PLCB1: variants seen among roughly 807,000 people sequenced by gnomAD.
PLCB1 encodes the protein phospholipase C beta 1.
A neutral mutation model predicts 161.8 loss-of-function variants in PLCB1; 46 were observed. That is an observed-to-expected ratio of 0.28 (90% CI 0.22 to 0.36). The LOEUF (loss-of-function observed/expected upper bound fraction) is 0.36. Ranked by LOEUF, PLCB1 falls within the 10% of genes least tolerant of loss-of-function variation. PLCB1 has a pLI of 1.00. For synonymous variants in PLCB1, 517 were observed against 503.7 expected (o/e 1.03, Z -0.35); for missense variants, 1,016 against 1,472.5 (o/e 0.69, Z 5.07).
intron 2 of PLCB1, among the ~76,000 whole-genome samples, chr20:8,246,400 C>T (rs1980882663): frequency 6.6e-6 from 1 of 151,882 alleles, no homozygotes; most frequent in South Asian, 2.1e-4. Flanking sequence ...CTCCAGCAGG[C>T]CTTTTCAGGC....
chr20:8,183,143 C>G (rs891741558), intron 2 of PLCB1, among the ~76,000 whole-genome samples: 1 of 152,022 alleles, frequency 6.6e-6, no homozygotes, highest in Non-Finnish European at 1.5e-5. Flanking sequence ...GGCAGTGTTG[C>G]GGTAATAGAT....
At chr20:8,817,902 A>C (rs909459645) in intron 31 of PLCB1, among the ~76,000 whole-genome samples, 34 of 152,250 alleles carry the variant, frequency 2.2e-4, no homozygotes, top group African/African-American at 7.7e-4. Flanking sequence ...ATTTGCAAAC[A>C]AACAAATTGA....
intron 3 of PLCB1, among the ~76,000 whole-genome samples, chr20:8,510,892 G>A (rs6118220): frequency 0.019 from 2,833 of 152,200 alleles, 96 homozygotes; most frequent in African/African-American, 0.065. Context: ...GATTACATAT[G>A]TTTATGGGGT....
In PLCB1 at chr20:8,715,659, G is replaced by A. The variant is rs572016881; in HGVS notation, c.1251-605G>A. Among the ~76,000 whole-genome samples the A allele has an allele frequency of 2.3e-4, 35 of 152,210 alleles. 1 individual carries two copies. Among genetic ancestry groups the A allele is most frequent in the South Asian group, 1.7e-3 (8 of 4,820 alleles). On this transcript the variant is annotated intron_variant, in intron 12 of 31. Coordinates refer to ENST00000338037, the MANE Select transcript of PLCB1 (RefSeq NM_015192.4). ...AGTTGCACACACCTTTCCCCAAGGT[G>A]CCTGCTACTTTTATCTTTCCTCCAG... is the stretch of plus-strand genomic sequence containing the variant.
chr20:8,798,628 AC>A (rs2146235403), intron 31 of PLCB1, among the ~76,000 whole-genome samples: 1 of 152,282 alleles, frequency 6.6e-6, no homozygotes, highest in African/African-American at 2.4e-5. Context: ...TTAAAGGAAG[AC>A]CCAATGGGCA....
intron 27 of PLCB1, 79 bp from the exon 28 acceptor site, chr20:8,788,370 T>A: frequency 7.8e-7 from 1 of 1,278,624 alleles, no homozygotes; most frequent in Non-Finnish European, 1.1e-6. Flanking sequence ...TAACTATAGA[T>A]TCTGTTGTTT....
Position 8,208,688 on chromosome 20 carries a change from A to G in PLCB1, c.177+58317A>G, listed in dbSNP as rs1367144590. 1.3e-5 allele frequency among the ~76,000 whole-genome samples: 2 copies of G among 152,120 alleles called. 1 individual carries two copies. The highest frequency in any genetic ancestry group is 2.9e-5 in the Non-Finnish European group (2 of 68,018). On this transcript the variant is annotated intron_variant, in intron 2 of 31. Coordinates refer to ENST00000338037, the MANE Select transcript of PLCB1 (RefSeq NM_015192.4). ...GGTCCCTGCCCCAAGGAGTTTGTAT[A>G]TGCTTTTTGGTGCACATACACAAAC...
intron 1 of PLCB1, among the ~76,000 whole-genome samples, chr20:8,149,692 A>G (rs1356835171): frequency 6.6e-6 from 1 of 152,168 alleles, no homozygotes; most frequent in African/African-American, 2.4e-5. Flanking sequence ...TTAATATTAT[A>G]ATTACAATGT....
chr20:8,291,814 G>T (rs758539119), intron 2 of PLCB1, among the ~76,000 whole-genome samples: 6 of 152,068 alleles, frequency 3.9e-5, no homozygotes, highest in Non-Finnish European at 7.4e-5. Flanking sequence ...AAATTGTCAT[G>T]GTGGTATTAT....
At chr20:8,719,201 T>G (rs1301750089) in intron 14 of PLCB1, among the ~76,000 whole-genome samples, 9 of 152,194 alleles carry the variant, frequency 5.9e-5, no homozygotes, top group Non-Finnish European at 1.0e-4. Flanking sequence ...GTAGGAAGTT[T>G]TTCAGTTATA....
At chr20:8,866,745 CATT>C (rs879811118) in intron 31 of PLCB1, among the ~76,000 whole-genome samples, 1 of 152,154 alleles carries the variant, frequency 6.6e-6, no homozygotes, top group Non-Finnish European at 1.5e-5. Flanking sequence ...GAAATCCCAT[CATT>C]GTTTTCAGCT....
intron 2 of PLCB1, among the ~76,000 whole-genome samples, chr20:8,289,212 A>G (rs919914369): frequency 6.6e-6 from 1 of 152,192 alleles, no homozygotes; most frequent in Non-Finnish European, 1.5e-5. Flanking sequence ...AGTAATAGCT[A>G]GAATTGATTG....
chr20:8,448,682 A>C (rs938033503), intron 3 of PLCB1, among the ~76,000 whole-genome samples: 1 of 152,232 alleles, frequency 6.6e-6, no homozygotes, highest in Non-Finnish European at 1.5e-5. Context: ...TCATTTTTGA[A>C]AAAGGAGAAT....
At chr20:8,227,530 C>G (rs913666584) in intron 2 of PLCB1, among the ~76,000 whole-genome samples, 1 of 152,162 alleles carries the variant, frequency 6.6e-6, no homozygotes, top group Non-Finnish European at 1.5e-5. Flanking sequence ...GGCAGCTGCT[C>G]GATGCCTTGC....
intron 25 of PLCB1, among the ~76,000 whole-genome samples, chr20:8,763,948 T>C (rs1982177707): frequency 6.6e-6 from 1 of 151,970 alleles, no homozygotes; most frequent in South Asian, 2.1e-4. Context: ...GCAGATCACT[T>C]GAGGCTGGGA....
At chr20:8,742,707 CT>C (rs984876397) in intron 23 of PLCB1, among the ~76,000 whole-genome samples, 46 of 152,106 alleles carry the variant, frequency 3.0e-4, no homozygotes, top group African/African-American at 1.1e-3. Flanking sequence ...ATTAAATATT[CT>C]TCTATGACAT....
At chr20:8,506,690 G>A (rs1427813757) in intron 3 of PLCB1, among the ~76,000 whole-genome samples, 1 of 152,120 alleles carries the variant, frequency 6.6e-6, no homozygotes, top group Non-Finnish European at 1.5e-5. Context: ...CTTAACTAAT[G>A]TAAAATTACT....
intron 2 of PLCB1, among the ~76,000 whole-genome samples, chr20:8,155,470 G>A (rs924448901): frequency 1.3e-5 from 2 of 152,088 alleles, no homozygotes; most frequent in African/African-American, 4.8e-5. Context: ...GAGTTCAAAA[G>A]CAAAGTTTAA....
chr20:8,248,521 C>T (rs976410521), intron 2 of PLCB1, among the ~76,000 whole-genome samples: 6 of 151,914 alleles, frequency 3.9e-5, no homozygotes, highest in Non-Finnish European at 5.9e-5. Flanking sequence ...ACAGAGGTGG[C>T]AACTCTGGTG....
Sources: allele counts gnomAD v4.1 joint callset (sites outside exome capture counted in the v4.1 genomes callset), GRCh38; gene constraint gnomAD v4.1.1; transcripts MANE v1.5; gene names NCBI Gene and HGNC (gene_info 2026-07-23, HGNC 2026-07-21).